The following OSBPL1A variants were observed in gnomAD, a reference collection of about 807,000 sequenced individuals.
OSBPL1A encodes oxysterol binding protein like 1A.
In OSBPL1A, 80 loss-of-function variants were observed where a neutral mutation model predicts 137.1. The ratio of observed to expected loss-of-function variants is 0.58; its 90% CI spans 0.49 to 0.70. The LOEUF (loss-of-function observed/expected upper bound fraction) is 0.70, where lower values mean the gene tolerates loss of function less well. Among genes scored for constraint, OSBPL1A ranks in the 30% least tolerant of loss-of-function variants. OSBPL1A has a pLI of 0.00. For missense variants in OSBPL1A, 970 were observed against 1,129.4 expected, an observed-to-expected ratio of 0.86 and a Z score of 2.02; for synonymous variants, 365 against 389.7, an observed-to-expected ratio of 0.94 and a Z score of 0.75.
At chr18:24,204,875 C>T (rs1258427496) in intron 17 of OSBPL1A, among the ~76,000 whole-genome samples, 1 of 152,094 alleles carries the variant, frequency 6.6e-6, no homozygotes, top group South Asian at 2.1e-4. Flanking sequence ...TATCTCGGTT[C>T]AAAAGACCCT....
At chr18:24,231,749 G>A (rs1284936551) in intron 16 of OSBPL1A, among the ~76,000 whole-genome samples, 55 of 152,286 alleles carry the variant, frequency 3.6e-4, no homozygotes, top group Non-Finnish European at 2.9e-5. Context: ...GATCCTGACC[G>A]CTATGCTCCT....
At chr18:24,208,387 C>G (rs1455361302) in intron 17 of OSBPL1A, among the ~76,000 whole-genome samples, 1 of 152,156 alleles carries the variant, frequency 6.6e-6, no homozygotes, top group Non-Finnish European at 1.5e-5. Context: ...GCCTAGCAAT[C>G]TCACCACTGG....
intron 7 of OSBPL1A, among the ~76,000 whole-genome samples, chr18:24,330,391 G>A (rs1299113202): frequency 6.6e-6 from 1 of 151,604 alleles, no homozygotes; most frequent in Non-Finnish European, 1.5e-5. Flanking sequence ...TAATGGTATT[G>A]TTATTAACTA....
intron 17 of OSBPL1A, among the ~76,000 whole-genome samples, chr18:24,224,128 T>A (rs1028245337): frequency 6.6e-6 from 1 of 152,052 alleles, no homozygotes; most frequent in Non-Finnish European, 1.5e-5. Context: ...ACTAATCTTT[T>A]AAAAATAAAT....
At position 24,225,108 on chromosome 18, in the gene OSBPL1A, T is replaced by G; in HGVS notation, c.1535A>C (p.His512Pro). 6.2e-7 allele frequency: 1 copy of G among 1,614,190 alleles called. No individual in the cohort carries two copies. The change falls in exon 17 of 28, where the codon CAC (histidine) becomes CCC (proline). Residue 512 changes from histidine (H) to proline (P), a missense_variant. His to Pro is a moderately conservative substitution (Grantham distance 77). Coordinates refer to ENST00000319481, the MANE Select transcript of OSBPL1A (RefSeq NM_080597.4). ...EEGEHLGSRK[H>P]RMSEEKDCGG... Reference sequence around the variant, plus strand: ...ACAGTCTTTTTCTTCGGACATTCTGTGTTTTCTACTGCCCAAATGCTCTCC... The same window carrying G: ...ACAGTCTTTTTCTTCGGACATTCTGGGTTTTCTACTGCCCAAATGCTCTCC...
At chr18:24,374,129 A>G (rs1369060661) in intron 2 of OSBPL1A, among the ~76,000 whole-genome samples, 1 of 152,144 alleles carries the variant, frequency 6.6e-6, no homozygotes, top group African/African-American at 2.4e-5. Context: ...ATGGGGGGAA[A>G]TTTTATACAT....
intron 17 of OSBPL1A, among the ~76,000 whole-genome samples, chr18:24,198,572 G>A (rs1016804816): frequency 2.0e-5 from 3 of 152,046 alleles, no homozygotes; most frequent in Admixed American, 6.5e-5. Flanking sequence ...CGTAGGACAC[G>A]CAGAGCCAAG....
chr18:24,317,459 T>A, intron 9 of OSBPL1A, 59 bp from the exon 10 acceptor site: 3 of 1,306,068 alleles, frequency 2.3e-6, no homozygotes, highest in South Asian at 2.4e-5. Context: ...AATGCTTGAC[T>A]GATAAAAAGT....
chr18:24,211,298 A>G (rs2087535335), intron 17 of OSBPL1A, among the ~76,000 whole-genome samples: 1 of 152,162 alleles, frequency 6.6e-6, no homozygotes, highest in South Asian at 2.1e-4. Context: ...AAAAGACTGT[A>G]TTTTCCAAAA....
rs1906250633 is a variant in OSBPL1A at position 24,377,270 on chromosome 18, A to T, written c.121+143T>A. 31 of 1,008,004 alleles carry T rather than the reference A, an allele frequency of 3.1e-5. No individual in the cohort carries two copies. In the South Asian group the frequency reaches 6.2e-4, roughly 20 times the overall value. The allele number at this position is 1,008,004 out of a possible 1,614,324, so 62.4% of individuals were successfully genotyped here. A position where few individuals can be genotyped will look rare whatever the true frequency, so the allele number is the denominator to read the frequency against. On this transcript the variant is annotated intron_variant, in intron 2 of 27. Coordinates refer to ENST00000319481, the MANE Select transcript of OSBPL1A (RefSeq NM_080597.4). Reference sequence around the variant, plus strand: ...TCTGACTCAGAGGGGGCTAGGAGAGACATTTCCTCCAATCTGTGGGGTTCT... The same window carrying T: ...TCTGACTCAGAGGGGGCTAGGAGAGTCATTTCCTCCAATCTGTGGGGTTCT...
At chr18:24,354,067 T>A (rs1237036776) in intron 4 of OSBPL1A, among the ~76,000 whole-genome samples, 1 of 151,390 alleles carries the variant, frequency 6.6e-6, no homozygotes, top group Non-Finnish European at 1.5e-5. Context: ...TAAAGTATAA[T>A]AATAATAAAA....
intron 18 of OSBPL1A, among the ~76,000 whole-genome samples, chr18:24,181,972 C>T (rs900595488): frequency 1.3e-5 from 2 of 152,218 alleles, no homozygotes; most frequent in Non-Finnish European, 2.9e-5. Context: ...TGTGTTAAAA[C>T]TTCAATATGT....
chr18:24,279,320 T>C (rs576111396), intron 15 of OSBPL1A, among the ~76,000 whole-genome samples: 31 of 151,422 alleles, frequency 2.0e-4, no homozygotes, highest in Admixed American at 1.6e-3. Flanking sequence ...TCCCAGCTAC[T>C]TGTGAGGCTG....
Position 24,220,862 on chromosome 18 carries a change from G to T in OSBPL1A, c.1601+4180C>A, listed in dbSNP as rs534567594. Among the ~76,000 whole-genome samples, 73 of 152,016 alleles carry T rather than the reference G, an allele frequency of 4.8e-4. No individual in the cohort carries two copies. In the Middle Eastern group the frequency reaches 0.01, roughly 21 times the overall value. The stretch of plus-strand genomic sequence containing the variant: ...GAGTCTCGCTTTGTCACCCAGGCTG[G>T]TGTATAATGCCATGATCTTGGCTCA... On this transcript the variant is annotated intron_variant, in intron 17 of 27. Coordinates refer to ENST00000319481, the MANE Select transcript of OSBPL1A (RefSeq NM_080597.4).
At chr18:24,305,503 T>C (rs1412962132) in intron 13 of OSBPL1A, among the ~76,000 whole-genome samples, 1 of 152,244 alleles carries the variant, frequency 6.6e-6, no homozygotes, top group Non-Finnish European at 1.5e-5. Flanking sequence ...AGGTTATTAA[T>C]ATAATAAAAC....
At chr18:24,294,761 G>T (rs1466174332) in intron 14 of OSBPL1A, among the ~76,000 whole-genome samples, 2 of 152,156 alleles carry the variant, frequency 1.3e-5, no homozygotes, top group African/African-American at 2.4e-5. Context: ...CCTTTTTGTG[G>T]CTGAGTAGTA....
chr18:24,269,313 G>A (rs889763562), intron 15 of OSBPL1A, among the ~76,000 whole-genome samples: 4 of 152,236 alleles, frequency 2.6e-5, no homozygotes, highest in African/African-American at 7.2e-5. Context: ...AAAGGACCCC[G>A]CTTCTATCTT....
At position 24,327,253 on chromosome 18, in the gene OSBPL1A, G is replaced by A. The variant is rs980311880; in HGVS notation, c.625+5689C>T. Among the ~76,000 whole-genome samples, 5 of 150,958 alleles carry A rather than the reference G, an allele frequency of 3.3e-5. No individual in the cohort carries two copies. The East Asian group carries it at 5.9e-4, about 18-fold the overall frequency. On this transcript the variant is annotated intron_variant, in intron 7 of 27. Transcript: ENST00000319481. ...CTCCTAAGTAACTGGGATTACAGGC[G>A]TGCTCCACCATGCCCGGCTAATTTT...
At chr18:24,192,626 T>G (rs1018375625) in intron 18 of OSBPL1A, among the ~76,000 whole-genome samples, 3 of 152,116 alleles carry the variant, frequency 2.0e-5, no homozygotes, top group Non-Finnish European at 2.9e-5. Context: ...AAAGGTAAAG[T>G]ACAACGTGCA....
Sources: gnomAD v4.1 joint callset for allele counts (sites outside exome capture counted in the v4.1 genomes callset) on GRCh38, gnomAD v4.1.1 for gene constraint, MANE v1.5 for transcripts, NCBI Gene and HGNC (gene_info 2026-07-23, HGNC 2026-07-21) for gene names.